The following RFX3 variants were observed in gnomAD, a reference collection of about 807,000 sequenced individuals.
RFX3 encodes the protein transcription factor RFX3.
In RFX3, 14 loss-of-function variants were observed where a neutral mutation model predicts 98.6. That is an observed-to-expected ratio of 0.14 (90% CI 0.09 to 0.22). The LOEUF is 0.22. Among genes scored for constraint, RFX3 ranks in the 10% least tolerant of loss-of-function variants. The pLI is 1.00. For synonymous variants in RFX3, 383 were observed against 328.4 expected (o/e 1.17, Z -1.80); for missense variants, 639 against 926.9 (o/e 0.69, Z 4.03).
chr9:3,224,968 G>A lies in RFX3; in HGVS notation c.*74C>T. ...GAATTTGACAACAGTCGACCTTCAG[G>A]CTTATTAAATTTTCAACTTAAGCCC... is the stretch of plus-strand genomic sequence containing the variant. On this transcript the variant is annotated 3_prime_UTR_variant, in exon 17 of 17. Coordinates refer to ENST00000617270, the MANE Select transcript of RFX3 (RefSeq NM_001282116.2). The A allele has an allele frequency of 7.0e-7, 1 of 1,430,664 alleles. No homozygotes were observed. Among genetic ancestry groups the A allele is most frequent in the Non-Finnish European group, 9.7e-7 (1 of 1,029,956 alleles). 88.6% of individuals were successfully genotyped at this position (1,430,664 alleles called of 1,614,324 possible).
At chr9:3,379,240 G>A (rs1003754349) in intron 2 of RFX3, among the ~76,000 whole-genome samples, 7 of 152,140 alleles carry the variant, frequency 4.6e-5, no homozygotes, top group African/African-American at 1.4e-4. Context: ...AGTCTGTGAA[G>A]GAAAGGTACA....
rs202150136 is a variant in RFX3 at position 3,303,644 on chromosome 9, T to TG, written c.475-2025dup. Among the ~76,000 whole-genome samples the TG allele has an allele frequency of 3.2e-3, 473 of 148,016 alleles. 5 individuals are homozygous for TG. Among genetic ancestry groups the TG allele is most frequent in the African/African-American group, 0.011 (454 of 40,730 alleles). On this transcript the variant is annotated intron_variant, in intron 4 of 16. Coordinates refer to ENST00000617270, the MANE Select transcript of RFX3 (RefSeq NM_001282116.2). ...TTGGATAAACCAGCACTTCTTTTTC[T>TG]GGGAAAAAAAAAAAAGTCAGAGATC... is the stretch of plus-strand genomic sequence containing the variant.
chr9:3,340,425 C>T (rs906803055), intron 3 of RFX3, among the ~76,000 whole-genome samples: 3 of 152,142 alleles, frequency 2.0e-5, no homozygotes, highest in Non-Finnish European at 4.4e-5. Context: ...AACCAAAGAG[C>T]TTCTGCACAG....
At chr9:3,234,299 T>C (rs1015614834) in intron 15 of RFX3, among the ~76,000 whole-genome samples, 35 of 152,176 alleles carry the variant, frequency 2.3e-4, no homozygotes, top group Non-Finnish European at 1.5e-5. Flanking sequence ...AAAATAGCCA[T>C]AGATAACAGG....
intron 1 of RFX3, among the ~76,000 whole-genome samples, chr9:3,397,774 T>A (rs935533787): frequency 4.6e-5 from 7 of 152,204 alleles, no homozygotes; most frequent in African/African-American, 1.7e-4. Flanking sequence ...GGTATAGCAG[T>A]AACAACTAGC....
At chr9:3,479,491 T>A (rs368726255) in intron 1 of RFX3, among the ~76,000 whole-genome samples, 1 of 152,192 alleles carries the variant, frequency 6.6e-6, no homozygotes, top group African/African-American at 2.4e-5. Context: ...TGTATTTCAG[T>A]ACTTAAATGA....
intron 15 of RFX3, among the ~76,000 whole-genome samples, chr9:3,241,202 CT>C (rs1819870481): frequency 6.9e-6 from 1 of 144,470 alleles, no homozygotes; most frequent in African/African-American, 2.6e-5. Context: ...AGAAGGTACA[CT>C]TTTTGGTCTA....
intron 2 of RFX3, among the ~76,000 whole-genome samples, chr9:3,364,120 G>T (rs923780394): frequency 1.3e-5 from 2 of 152,254 alleles, no homozygotes; most frequent in Middle Eastern, 3.4e-3. Context: ...ATGATCTGCG[G>T]GCCTCGGCCT....
chr9:3,372,510 T>G (rs2131576264), intron 2 of RFX3, among the ~76,000 whole-genome samples: 1 of 152,142 alleles, frequency 6.6e-6, no homozygotes, highest in East Asian at 1.9e-4. Flanking sequence ...GCCATCTCCA[T>G]GTAGCACCTG....
intron 2 of RFX3, among the ~76,000 whole-genome samples, chr9:3,379,883 T>A (rs1422386280): frequency 0.018 from 2 of 110 alleles, no homozygotes; most frequent in African/African-American, 0.056. Flanking sequence ...ATGGGCAATT[T>A]ATTTATTTAT....
intron 6 of RFX3, among the ~76,000 whole-genome samples, 156 bp downstream of exon 6, chr9:3,292,921 G>A (rs1262015575): frequency 6.6e-6 from 1 of 152,096 alleles, no homozygotes; most frequent in African/African-American, 2.4e-5. Context: ...ACTGAATAAT[G>A]TCCTTTCCTT....
At chr9:3,489,351 G>A in intron 1 of RFX3, 2 of 824,526 alleles carry the variant, frequency 2.4e-6, no homozygotes, top group East Asian at 1.2e-4. Context: ...ACCCCACCCT[G>A]ACTCCTGCTT....
At chr9:3,282,243 C>T (rs773270517) in intron 7 of RFX3, among the ~76,000 whole-genome samples, 1 of 151,660 alleles carries the variant, frequency 6.6e-6, no homozygotes, top group Non-Finnish European at 1.5e-5. Context: ...TGAAGAGTTC[C>T]ACTCTTTTAG....
intron 1 of RFX3, among the ~76,000 whole-genome samples, chr9:3,513,512 TG>T (rs1323002509): frequency 1.3e-5 from 2 of 152,206 alleles, no homozygotes; most frequent in African/African-American, 2.4e-5. Context: ...GAAGGTAAAC[TG>T]GAACTTCCAA....
intron 1 of RFX3, among the ~76,000 whole-genome samples, chr9:3,457,590 T>C (rs1847311296): frequency 6.6e-6 from 1 of 152,208 alleles, no homozygotes; most frequent in African/African-American, 2.4e-5. Context: ...TTTCATGATC[T>C]GAACATGTTC....
At chr9:3,342,729 G>T (rs1834030935) in intron 3 of RFX3, among the ~76,000 whole-genome samples, 1 of 151,908 alleles carries the variant, frequency 6.6e-6, no homozygotes, top group Non-Finnish European at 1.5e-5. Flanking sequence ...CTCTCTACAT[G>T]GTATGCAATG....
chr9:3,398,519 C>T (rs1841130954), intron 1 of RFX3, among the ~76,000 whole-genome samples: 1 of 152,138 alleles, frequency 6.6e-6, no homozygotes, highest in Non-Finnish European at 1.5e-5. Context: ...CTTTTTCAGC[C>T]TCTCTTGTCA....
intron 1 of RFX3, among the ~76,000 whole-genome samples, chr9:3,414,578 T>C (rs1210362683): frequency 1.3e-5 from 2 of 149,004 alleles, no homozygotes; most frequent in South Asian, 2.1e-4. Context: ...TGGTATCTAC[T>C]GCAATGTGGT....
Position 3,467,445 on chromosome 9 carries a change from G to A in RFX3, c.-9+58302C>T, listed in dbSNP as rs187659888. ...ATCTCTATATCATACATTAAGGCTT[G>A]CAACTGAGAAAGTATTTTAAAACCT... On this transcript the variant is annotated intron_variant, in intron 1 of 16. Transcript: ENST00000617270. Among the ~76,000 whole-genome samples the A allele has an allele frequency of 3.3e-5, 5 of 151,348 alleles. No homozygotes were observed. The East Asian group carries it at 9.7e-4, about 29-fold the overall frequency.
Sources: gnomAD v4.1 joint callset for allele counts (sites outside exome capture counted in the v4.1 genomes callset) on GRCh38, gnomAD v4.1.1 for gene constraint, MANE v1.5 for transcripts, NCBI Gene and HGNC (gene_info 2026-07-23, HGNC 2026-07-21) for gene names.